The following BCAS3 variants were observed in gnomAD, a reference collection of about 807,000 sequenced individuals.
BCAS3 encodes BCAS4/BCAS3 fusion.
In BCAS3, 53 loss-of-function variants were observed where a neutral mutation model predicts 116.1. That is an observed-to-expected ratio of 0.46 (90% CI 0.37 to 0.57). The LOEUF is 0.57. Among genes scored for constraint, BCAS3 ranks in the 20% least tolerant of loss-of-function variants. BCAS3 has a pLI of 0.00. For synonymous variants in BCAS3, 391 were observed against 408.2 expected (o/e 0.96, Z 0.51); for missense variants, 917 against 1,165.4 (o/e 0.79, Z 3.10).
chr17:61,226,245 AT>A lies in BCAS3; in HGVS notation c.2425+141683del, dbSNP rs2082366977. 6.6e-6 allele frequency among the ~76,000 whole-genome samples: 1 copy of A among 152,194 alleles called. No individual in the cohort carries two copies. The highest frequency in any genetic ancestry group is 1.5e-5 in the Non-Finnish European group (1 of 68,040). The stretch of plus-strand genomic sequence containing the variant: ...TAGTGTCTATCAAATGCATTTTCAC[AT>A]TCTTGTTATGTCCAAAATTCTCTAT... On this transcript the variant is annotated intron_variant, in intron 22 of 23. Coordinates refer to ENST00000407086, the MANE Select transcript of BCAS3 (RefSeq NM_017679.5). The surrounding 1 kb of genome is among the most constrained non-coding windows in gnomAD (Gnocchi z 6.0).
At chr17:60,749,540 C>T (rs1024687559) in intron 6 of BCAS3, among the ~76,000 whole-genome samples, 1 of 152,122 alleles carries the variant, frequency 6.6e-6, no homozygotes, top group Non-Finnish European at 1.5e-5. Flanking sequence ...ATTGTTCACT[C>T]TTTCTATAAC....
At chr17:60,698,034 C>T (rs1268924659) in intron 4 of BCAS3, among the ~76,000 whole-genome samples, 2 of 151,786 alleles carry the variant, frequency 1.3e-5, no homozygotes. Context: ...AAAAAATTAG[C>T]CAGGCGTGGT....
At chr17:61,212,232 T>C (rs972312419) in intron 22 of BCAS3, among the ~76,000 whole-genome samples, 1 of 152,210 alleles carries the variant, frequency 6.6e-6, no homozygotes, top group African/African-American at 2.4e-5. Flanking sequence ...AATAGTTTTA[T>C]TTTTATTTAC....
Position 61,380,406 on chromosome 17 carries a change from C to A in BCAS3, c.2594-11571C>A. On this transcript the variant is annotated intron_variant, in intron 23 of 23. Transcript: ENST00000407086. The surrounding 1 kb of genome is among the most constrained non-coding windows in gnomAD (Gnocchi z 4.2). ...CCCCGCAAAGCTCTCAGTGGTCAAA[C>A]CAGATTTGGGTATCGACTCACTTTG... The A allele has an allele frequency of 8.7e-7, 1 of 1,150,870 alleles. No homozygotes were observed. Among genetic ancestry groups the A allele is most frequent in the South Asian group, 1.3e-5 (1 of 76,218 alleles). The allele number at this position is 1,150,870 out of a possible 1,614,324, so 71.3% of individuals were successfully genotyped here.
intron 22 of BCAS3, among the ~76,000 whole-genome samples, chr17:61,280,148 G>C (rs1305062692): frequency 2.6e-5 from 4 of 152,164 alleles, no homozygotes; most frequent in Non-Finnish European, 5.9e-5. Flanking sequence ...CTGGTGCCCA[G>C]AGAGAGGAAG....
chr17:61,335,058 A>G (rs914071934), intron 22 of BCAS3, among the ~76,000 whole-genome samples: 2 of 152,194 alleles, frequency 1.3e-5, no homozygotes, highest in African/African-American at 4.8e-5. Flanking sequence ...AACAGACCGG[A>G]GTTCTTCCTC....
chr17:60,684,463 A>G (rs772737606), intron 3 of BCAS3, among the ~76,000 whole-genome samples: 17 of 152,110 alleles, frequency 1.1e-4, no homozygotes, highest in Non-Finnish European at 2.4e-4. Flanking sequence ...TATGCCAACT[A>G]AGGTATCCTG....
In BCAS3 at chr17:61,204,425, C is replaced by CT. The variant is rs200500192; in HGVS notation, c.2425+119868dup. On this transcript the variant is annotated intron_variant, in intron 22 of 23. Coordinates refer to ENST00000407086, the MANE Select transcript of BCAS3 (RefSeq NM_017679.5). This position sits in a 1 kb window ranked among gnomAD's most constrained non-coding sequence, Gnocchi z 4.2. ...AATAATATTCTATGTTTGGATTTGT[C>CT]TTTTTTTCCCACATTCATATTTGAC... Among the ~76,000 whole-genome samples the CT allele has an allele frequency of 1.3e-5, 2 of 152,044 alleles. No homozygotes were observed. The highest frequency in any genetic ancestry group is 4.8e-5 in the African/African-American group (2 of 41,406).
At chr17:60,972,523 A>G (rs1219308145) in intron 14 of BCAS3, among the ~76,000 whole-genome samples, 1 of 140,368 alleles carries the variant, frequency 7.1e-6, no homozygotes, top group African/African-American at 2.7e-5. Flanking sequence ...ATCATTGCTC[A>G]CTGCAGCCTT....
At chr17:61,275,700 T>G (rs1454780122) in intron 22 of BCAS3, among the ~76,000 whole-genome samples, 1 of 152,092 alleles carries the variant, frequency 6.6e-6, no homozygotes, top group Non-Finnish European at 1.5e-5. Flanking sequence ...GTCAGATAAT[T>G]TGAAGGAGAC....
chr17:60,868,709 G>T (rs1161069210), intron 8 of BCAS3, 26 bp downstream of exon 8: 4 of 1,416,492 alleles, frequency 2.8e-6, no homozygotes. Context: ...TGGGTTTCTT[G>T]TGTAAAATAA....
At chr17:60,760,860 C>T (rs2043457278) in intron 6 of BCAS3, among the ~76,000 whole-genome samples, 1 of 152,094 alleles carries the variant, frequency 6.6e-6, no homozygotes, top group Non-Finnish European at 1.5e-5. Flanking sequence ...TATTTGGTCA[C>T]TTTTTGTTGT....
intron 19 of BCAS3, 45 bp from the exon 20 acceptor site, chr17:61,074,875 C>T (rs772671478): frequency 2.3e-5 from 32 of 1,384,696 alleles, no homozygotes; most frequent in Non-Finnish European, 3.1e-5. Context: ...TGTTTTTCCA[C>T]TGCATGGAAT....
chr17:60,698,367 A>G (rs1343567779), intron 4 of BCAS3, among the ~76,000 whole-genome samples: 1 of 151,998 alleles, frequency 6.6e-6, no homozygotes, highest in East Asian at 1.9e-4. Flanking sequence ...AAGTCTGGCC[A>G]GGCCTGGTGG....
chr17:61,229,287 A>G lies in BCAS3; in HGVS notation c.2426-139040A>G, dbSNP rs6504027. Among the ~76,000 whole-genome samples the G allele has an allele frequency of 0.14, 21,671 of 152,272 alleles. 2,528 individuals are homozygous for G. The highest frequency in any genetic ancestry group is 0.32 in the African/African-American group (13,190 of 41,518). ...AGCTACAGAAGAAAAGTTTGAAGCT[A>G]ACAGAGGTTGGTTCGTGAGGTTAAG... On this transcript the variant is annotated intron_variant, in intron 22 of 23. Coordinates refer to ENST00000407086, the MANE Select transcript of BCAS3 (RefSeq NM_017679.5). The surrounding 1 kb of genome is among the most constrained non-coding windows in gnomAD (Gnocchi z 4.4).
At chr17:60,974,304 A>G (rs1368951891) in intron 14 of BCAS3, among the ~76,000 whole-genome samples, 2 of 152,216 alleles carry the variant, frequency 1.3e-5, no homozygotes, top group African/African-American at 2.4e-5. Context: ...ATTTAATTCT[A>G]GTACCCAATC....
chr17:60,861,204 T>A (rs1029600060), intron 7 of BCAS3, among the ~76,000 whole-genome samples: 1 of 152,204 alleles, frequency 6.6e-6, no homozygotes, highest in Non-Finnish European at 1.5e-5. Context: ...AGAGGTCTTT[T>A]ACCTTTCTGG....
chr17:61,318,448 C>A (rs575435686), intron 22 of BCAS3, among the ~76,000 whole-genome samples: 5 of 152,158 alleles, frequency 3.3e-5, no homozygotes, highest in African/African-American at 9.7e-5. Flanking sequence ...TTCTTGAAGA[C>A]GGCACCATCT....
chr17:61,198,769 T>C lies in BCAS3; in HGVS notation c.2425+114205T>C, dbSNP rs912626380. Among the ~76,000 whole-genome samples the C allele has an allele frequency of 2.4e-4, 36 of 152,224 alleles. No individual in the cohort carries two copies. The highest frequency in any genetic ancestry group is 8.4e-4 in the African/African-American group (35 of 41,458). On this transcript the variant is annotated intron_variant, in intron 22 of 23. Coordinates refer to ENST00000407086, the MANE Select transcript of BCAS3 (RefSeq NM_017679.5). The surrounding 1 kb of genome is among the most constrained non-coding windows in gnomAD (Gnocchi z 5.0). ...TAAGTGTAAAAATGAGACAGAGGCT[T>C]AGAGGTGTCCTCGGAATTTTAGAAC...
Sources: gnomAD v4.1 joint callset for allele counts (sites outside exome capture counted in the v4.1 genomes callset) on GRCh38, gnomAD v4.1.1 for gene constraint, Gnocchi (gnomAD v3.1) non-coding constraint, MANE v1.5 for transcripts, NCBI Gene and HGNC (gene_info 2026-07-23, HGNC 2026-07-21) for gene names.